FOXK1: variants seen among roughly 807,000 people sequenced by gnomAD.
FOXK1 encodes the protein forkhead box K1.
A neutral mutation model predicts 51.9 loss-of-function variants in FOXK1; 19 were observed. The observed-to-expected ratio is 0.37, with a 90% CI of 0.26 to 0.54. FOXK1 has a LOEUF of 0.54. Among genes scored for constraint, FOXK1 ranks in the 20% least tolerant of loss-of-function variants. The pLI is 0.87. For missense variants in FOXK1, 870 were observed against 1,032.7 expected, an observed-to-expected ratio of 0.84 and a Z score of 2.16; for synonymous variants, 537 against 482.6, an observed-to-expected ratio of 1.11 and a Z score of -1.48.
intron 7 of FOXK1, among the ~76,000 whole-genome samples, chr7:4,760,314 C>G (rs1000214134): frequency 1.6e-4 from 24 of 152,174 alleles, no homozygotes; most frequent in African/African-American, 5.5e-4. Flanking sequence ...GGGGTAGACA[C>G]TGAACATGCA....
Position 4,715,777 on chromosome 7 carries a change from C to T in FOXK1, c.561-25061C>T, listed in dbSNP as rs966275703. Among the ~76,000 whole-genome samples the T allele has an allele frequency of 6.6e-6, 1 of 152,122 alleles. No homozygotes were observed. The highest frequency in any genetic ancestry group is 1.5e-5 in the Non-Finnish European group (1 of 68,032). On this transcript the variant is annotated intron_variant, in intron 1 of 8. Transcript: ENST00000328914. The surrounding 1 kb of genome is among the most constrained non-coding windows in gnomAD (Gnocchi z 4.5). ...TGAGGTTCCCTCACAGCGAATCCACCGAAGAGCGCTCCCATCCACAGCCGG... is the reference window on the plus strand; with the variant it reads ...TGAGGTTCCCTCACAGCGAATCCACTGAAGAGCGCTCCCATCCACAGCCGG...
intron 1 of FOXK1, among the ~76,000 whole-genome samples, chr7:4,712,330 G>A (rs759392498): frequency 5.9e-5 from 9 of 152,114 alleles, no homozygotes; most frequent in Non-Finnish European, 1.0e-4. Context: ...ATGTAAAAAG[G>A]GCTGTAAATT....
chr7:4,754,489 C>A lies in FOXK1; in HGVS notation c.777C>A (p.Arg259=). The A allele has an allele frequency of 6.2e-7, 1 of 1,613,220 alleles. No individual in the cohort carries two copies. The highest frequency in any genetic ancestry group is 1.1e-5 in the South Asian group (1 of 91,086). ...CCAACTCCTGCCCAGCCAGTCCACG[C>A]GGTGCCGGCTCCTCCAGTTACCGCT... The part of the protein sequence containing the change: ...SVPNSCPASP[R]GAGSSSYRFV... Residue 259 remains arginine, a synonymous_variant, in exon 3 of 9, where the codon CGC becomes CGA. Coordinates refer to ENST00000328914, the MANE Select transcript of FOXK1 (RefSeq NM_001037165.2).
chr7:4,755,149 A>C lies in FOXK1; in HGVS notation c.904-88A>C, dbSNP rs989938750. On this transcript the variant is annotated intron_variant, in intron 3 of 8. Transcript: ENST00000328914. This position sits in a 1 kb window ranked among gnomAD's most constrained non-coding sequence, Gnocchi z 6.6. ...GCAAGACGCGCACATTCTCGTGGGA[A>C]GGTTCCTCCCCATCAGCTGTGACGG... The C allele has an allele frequency of 1.1e-5, 17 of 1,522,762 alleles. No homozygotes were observed. Among genetic ancestry groups the C allele is most frequent in the Non-Finnish European group, 1.5e-5 (17 of 1,120,296 alleles). The allele number at this position is 1,522,762 out of a possible 1,614,324, so 94.3% of individuals were successfully genotyped here.
rs7786525 is a variant in FOXK1, at chr7:4,723,526, A to T, written c.561-17312A>T. ...AGCCCCGAGCCTTCCTGTTGCCTCT[A>T]GGGCCTGTCCATCCCGTCAGCCCAC... is the stretch of plus-strand genomic sequence containing the variant. On this transcript the variant is annotated intron_variant, in intron 1 of 8. Transcript: ENST00000328914. This position sits in a 1 kb window ranked among gnomAD's most constrained non-coding sequence, Gnocchi z 4.7. 3.9e-5 allele frequency among the ~76,000 whole-genome samples: 6 copies of T among 151,916 alleles called. No individual in the cohort carries two copies. Among genetic ancestry groups the T allele is most frequent in the African/African-American group, 1.2e-4 (5 of 41,368 alleles).
intron 1 of FOXK1, among the ~76,000 whole-genome samples, chr7:4,691,165 C>T (rs1779886645): frequency 6.6e-6 from 1 of 152,170 alleles, no homozygotes; most frequent in Non-Finnish European, 1.5e-5. Flanking sequence ...CAAGAACTCG[C>T]CTCACCTGAC....
Position 4,711,547 on chromosome 7 carries a change from G to A in FOXK1, c.560+28679G>A, listed in dbSNP as rs144788861. ...CCATCCCATGGCCACTGGAGAACTG[G>A]CAGAAGCTCCTAGAGCAGTTGGATG... On this transcript the variant is annotated intron_variant, in intron 1 of 8. Coordinates refer to ENST00000328914, the MANE Select transcript of FOXK1 (RefSeq NM_001037165.2). This position sits in a 1 kb window ranked among gnomAD's most constrained non-coding sequence, Gnocchi z 6.3. Among the ~76,000 whole-genome samples, 21 of 152,328 alleles carry A rather than the reference G, an allele frequency of 1.4e-4. No individual in the cohort carries two copies. The highest frequency in any genetic ancestry group is 4.6e-4 in the African/African-American group (19 of 41,568).
Position 4,758,929 on chromosome 7 carries a change from G to A in FOXK1, c.1245-122G>A. 8 of 1,069,730 alleles carry A rather than the reference G, an allele frequency of 7.5e-6. 1 individual carries two copies. The South Asian group carries it at 9.4e-5, about 13-fold the overall frequency. The allele number at this position is 1,069,730 out of a possible 1,614,324, so 66.3% of individuals were successfully genotyped here. Reference sequence around the variant, plus strand: ...GCGTTTCTCACCGTCTGAATGCGGAGGACAGAGACGAGCTCCAGGGAGCGT... The same window carrying A: ...GCGTTTCTCACCGTCTGAATGCGGAAGACAGAGACGAGCTCCAGGGAGCGT... On this transcript the variant is annotated intron_variant, in intron 5 of 8. Transcript: ENST00000328914. This position sits in a 1 kb window ranked among gnomAD's most constrained non-coding sequence, Gnocchi z 4.4.
At chr7:4,760,822 G>A (rs1474364294) in intron 7 of FOXK1, among the ~76,000 whole-genome samples, 1 of 152,240 alleles carries the variant, frequency 6.6e-6, no homozygotes, top group Admixed American at 6.5e-5. Flanking sequence ...CTGCACTCCA[G>A]CCTGGGCGAC....
intron 1 of FOXK1, among the ~76,000 whole-genome samples, chr7:4,696,857 C>T (rs1480471569): frequency 6.6e-6 from 1 of 152,114 alleles, no homozygotes; most frequent in Non-Finnish European, 1.5e-5. Context: ...CACTTGAGGC[C>T]AGGAGTTCGA....
In FOXK1 at chr7:4,729,784, G is replaced by C. The variant is rs1780426841; in HGVS notation, c.561-11054G>C. Reference sequence around the variant, plus strand: ...GCAGGTGGATCACCTGAGCTCAGGAGTTTGAGACCAGCCTGGCCAACATGG... The same window carrying C: ...GCAGGTGGATCACCTGAGCTCAGGACTTTGAGACCAGCCTGGCCAACATGG... On this transcript the variant is annotated intron_variant, in intron 1 of 8. Transcript: ENST00000328914. The surrounding 1 kb of genome is among the most constrained non-coding windows in gnomAD (Gnocchi z 6.2). Among the ~76,000 whole-genome samples the C allele has an allele frequency of 6.6e-6, 1 of 152,218 alleles. No individual in the cohort carries two copies. Among genetic ancestry groups the C allele is most frequent in the African/African-American group, 2.4e-5 (1 of 41,460 alleles).
rs146646095 is a variant in FOXK1 at position 4,740,807 on chromosome 7, C to T, written c.561-31C>T. 439 of 1,583,108 alleles carry T rather than the reference C, an allele frequency of 2.8e-4. 2 individuals carry two copies. The East Asian group carries it at 9.1e-3, about 33-fold the overall frequency. On this transcript the variant is annotated intron_variant, in intron 1 of 8. Transcript: ENST00000328914. ...TGGCGTCTTCTTGAGTCTCCTCCTG[C>T]ACCTCACACCCGCTCCTCCTCCTGT...
chr7:4,719,954 A>G (rs1780288111), intron 1 of FOXK1, among the ~76,000 whole-genome samples: 2 of 151,888 alleles, frequency 1.3e-5, no homozygotes, highest in Admixed American at 1.3e-4. Context: ...TGACCTCTTT[A>G]TCCTCTCATT....
chr7:4,755,689 C>T lies in FOXK1; in HGVS notation c.1050+306C>T, dbSNP rs184592850. Among the ~76,000 whole-genome samples the T allele has an allele frequency of 8.9e-3, 1,360 of 152,238 alleles. 68 individuals carry two copies. The highest frequency in any genetic ancestry group is 0.081 in the Admixed American group (1,231 of 15,290). ...GAGGCTGCAGTGAGCTATGATCACA[C>T]CACTGCACTCCAGCCTGGGAGACAG... is the stretch of plus-strand genomic sequence containing the variant. On this transcript the variant is annotated intron_variant, in intron 4 of 8. Transcript: ENST00000328914. The surrounding 1 kb of genome is among the most constrained non-coding windows in gnomAD (Gnocchi z 6.6).
Position 4,749,974 on chromosome 7 carries a change from G to A in FOXK1, c.747-4485G>A, listed in dbSNP as rs1780753936. On this transcript the variant is annotated intron_variant, in intron 2 of 8. Transcript: ENST00000328914. This position sits in a 1 kb window ranked among gnomAD's most constrained non-coding sequence, Gnocchi z 6.0. ...GGGTGGTCCCAGTGGCACCTTCTAGGCCCGGCCCCTGGATGCGGTGGAGGC... is the reference window on the plus strand; with the variant it reads ...GGGTGGTCCCAGTGGCACCTTCTAGACCCGGCCCCTGGATGCGGTGGAGGC... 6.6e-6 allele frequency among the ~76,000 whole-genome samples: 1 copy of A among 152,216 alleles called. No individual in the cohort carries two copies. The highest frequency in any genetic ancestry group is 1.9e-4 in the East Asian group (1 of 5,182).
intron 1 of FOXK1, among the ~76,000 whole-genome samples, chr7:4,688,041 AATACATACTTTTTATC>A (rs1779842812): frequency 6.6e-6 from 1 of 152,128 alleles, no homozygotes; most frequent in Non-Finnish European, 1.5e-5. Flanking sequence ...TGCTTTTTTA[AATACATACTTTTTATC>A]ATGGACAATT....
At chr7:4,759,265 T>A in intron 6 of FOXK1, 46 bp from the exon 7 acceptor site, 2 of 1,605,602 alleles carry the variant, frequency 1.2e-6, no homozygotes, top group Non-Finnish European at 1.7e-6. Flanking sequence ...GCGGGACTCG[T>A]GGGGGTGCGG....
intron 1 of FOXK1, among the ~76,000 whole-genome samples, chr7:4,701,791 G>T (rs993753718): frequency 6.6e-5 from 10 of 152,258 alleles, no homozygotes; most frequent in African/African-American, 2.4e-4. Flanking sequence ...TACTCGGGAG[G>T]CTGAGGCAGG....
At chr7:4,718,624 T>TG (rs1459791601) in intron 1 of FOXK1, among the ~76,000 whole-genome samples, 1 of 152,192 alleles carries the variant, frequency 6.6e-6, no homozygotes, top group Admixed American at 6.5e-5. Flanking sequence ...GGGAGTGCAG[T>TG]GCCTAAGGCC....
Sources: allele counts gnomAD v4.1 joint callset (sites outside exome capture counted in the v4.1 genomes callset), GRCh38; gene constraint gnomAD v4.1.1; non-coding constraint Gnocchi (gnomAD v3.1); transcripts MANE v1.5; gene names NCBI Gene and HGNC (gene_info 2026-07-23, HGNC 2026-07-21).